The following ATOSA variants were observed in gnomAD, a reference collection of about 807,000 sequenced individuals.
ATOSA encodes atos homolog A.
chr15:52,630,442 A>C, the ATOSA span, among the ~76,000 whole-genome samples: 1 of 152,234 alleles, frequency 6.6e-6, no homozygotes, highest in Non-Finnish European at 1.5e-5. Context: ...AAGGTTAATG[A>C]ATATAAGATG....
At chr15:52,679,932 G>A in the ATOSA span, among the ~76,000 whole-genome samples, 278 of 151,364 alleles carry the variant, frequency 1.8e-3, 1 homozygote, top group East Asian at 0.026. Flanking sequence ...CGGGGGGTGG[G>A]CAGCTATGCG....
chr15:52,618,756 C>A, the ATOSA span, among the ~76,000 whole-genome samples: 2 of 152,072 alleles, frequency 1.3e-5, no homozygotes, highest in Non-Finnish European at 2.9e-5. Flanking sequence ...GTGATCATAG[C>A]TCACTTTAAC....
the ATOSA span, among the ~76,000 whole-genome samples, chr15:52,661,991 C>T: frequency 3.5e-5 from 5 of 144,174 alleles, no homozygotes; most frequent in Admixed American, 2.1e-4. Flanking sequence ...AAATCTTAGA[C>T]CCAGAAGGAA....
At chr15:52,626,533 A>AAAAAC in the ATOSA span, among the ~76,000 whole-genome samples, 1 of 151,564 alleles carries the variant, frequency 6.6e-6, no homozygotes, top group South Asian at 2.1e-4. Context: ...AAAGCTGAAA[A>AAAAAC]AAAAAAAAAG....
chr15:52,618,754 A>C, the ATOSA span, among the ~76,000 whole-genome samples: 61 of 152,182 alleles, frequency 4.0e-4, no homozygotes, highest in Admixed American at 3.6e-3. Context: ...GCGTGATCAT[A>C]GCTCACTTTA....
chr15:52,706,108 G>C, the ATOSA span, among the ~76,000 whole-genome samples: 5 of 152,122 alleles, frequency 3.3e-5, no homozygotes, highest in African/African-American at 1.2e-4. Context: ...GATAGGTCAG[G>C]GAATTACACT....
chr15:52,595,968 GC>G, the ATOSA span, among the ~76,000 whole-genome samples: 2 of 152,028 alleles, frequency 1.3e-5, no homozygotes, highest in Non-Finnish European at 2.9e-5. Flanking sequence ...TAAAAAATTA[GC>G]TGGGTGTGGT....
chr15:52,617,944 C>A, the ATOSA span, among the ~76,000 whole-genome samples: 14 of 152,134 alleles, frequency 9.2e-5, no homozygotes, highest in South Asian at 2.5e-3. Flanking sequence ...TCAACCATGA[C>A]CCATCTGCAG....
At chr15:52,643,921 CAAACAAAAAA>C in the ATOSA span, among the ~76,000 whole-genome samples, 2 of 148,480 alleles carry the variant, frequency 1.3e-5, no homozygotes, top group Admixed American at 6.7e-5. Flanking sequence ...TCAAAACAAA[CAAACAAAAAA>C]AAACAAAAAA....
At chr15:52,675,651 G>C in the ATOSA span, among the ~76,000 whole-genome samples, 1 of 152,212 alleles carries the variant, frequency 6.6e-6, no homozygotes, top group South Asian at 2.1e-4. Context: ...GCTCACGCCT[G>C]TAATCCCAGC....
the ATOSA span, chr15:52,585,068 T>TGG: frequency 3.0e-6 from 2 of 669,998 alleles, no homozygotes; most frequent in Non-Finnish European, 4.7e-6. Context: ...TATAATTCAG[T>TGG]TTCAAGGACT....
At chr15:52,651,845 C>T in the ATOSA span, 4 of 1,534,044 alleles carry the variant, frequency 2.6e-6, no homozygotes, top group South Asian at 1.2e-5. Flanking sequence ...AAAATAAAGC[C>T]GTTAAAAAAC....
chr15:52,679,759 C>CG, the ATOSA span, among the ~76,000 whole-genome samples: 1 of 9,374 alleles, frequency 1.1e-4, no homozygotes, highest in African/African-American at 3.3e-4. Flanking sequence ...TCGTCGTCTC[C>CG]TCCTCCTCCT....
chr15:52,652,067 A>C, the ATOSA span: 4 of 1,456,970 alleles, frequency 2.7e-6, no homozygotes, highest in African/African-American at 5.7e-5. Flanking sequence ...GCAGCAGAGT[A>C]AGAGCGCACA....
chr15:52,641,058 C>T, the ATOSA span, among the ~76,000 whole-genome samples: 1 of 152,112 alleles, frequency 6.6e-6, no homozygotes, highest in Admixed American at 6.6e-5. Context: ...GAGAATGAAA[C>T]CATTTACCAC....
At chr15:52,611,117 G>A in the ATOSA span, 1 of 1,596,596 alleles carries the variant, frequency 6.3e-7, no homozygotes, top group Non-Finnish European at 8.5e-7. Flanking sequence ...TTTTTTTTTG[G>A]CCCTAGACAT....
the ATOSA span, among the ~76,000 whole-genome samples, chr15:52,663,252 A>C: frequency 6.6e-6 from 1 of 152,168 alleles, no homozygotes; most frequent in Admixed American, 6.5e-5. Flanking sequence ...TGAAGGATCA[A>C]CTCAGCTGCT....
At chr15:52,665,415 ATATC>A in the ATOSA span, among the ~76,000 whole-genome samples, 1 of 152,240 alleles carries the variant, frequency 6.6e-6, no homozygotes. Context: ...TCTTTCAAGA[ATATC>A]TATAAGAAAG....
the ATOSA span, among the ~76,000 whole-genome samples, chr15:52,635,676 A>G: frequency 6.6e-6 from 1 of 152,034 alleles, no homozygotes; most frequent in Non-Finnish European, 1.5e-5. Context: ...AGCCTGGGCA[A>G]CACAGTGAGA....
Sources: gnomAD v4.1 joint callset for allele counts (sites outside exome capture counted in the v4.1 genomes callset) on GRCh38, gnomAD v4.1.1 for gene constraint, MANE v1.5 for transcripts, NCBI Gene and HGNC (gene_info 2026-07-23, HGNC 2026-07-21) for gene names.